Variants in MROH9 observed in about 807,000 individuals in gnomAD.
MROH9 encodes maestro heat like repeat family member 9.
A neutral mutation model predicts 98.2 loss-of-function variants in MROH9; 92 were observed. That is an observed-to-expected ratio of 0.94 (90% CI 0.79 to 1.11). The LOEUF is 1.11. Ranked by LOEUF, MROH9 falls within the 50% of genes most tolerant of loss-of-function variation. MROH9 has a pLI of 0.00. For missense variants in MROH9, 1,057 were observed against 1,014.8 expected (o/e 1.04, Z -0.57); for synonymous variants, 397 against 368.9 (o/e 1.08, Z -0.87).
chr1:171,035,271 C>G lies in MROH9; in HGVS notation c.2281+9851C>G, dbSNP rs542701068. On this transcript the variant is annotated intron_variant, in intron 20 of 21. Transcript: ENST00000367759. ...AAATCCAATAGATCAAAAAATAAAA[C>G]GTACAAAAAATAATAATAAATATAA... 7.0e-3 allele frequency among the ~76,000 whole-genome samples: 1,051 copies of G among 150,226 alleles called. 12 individuals carry two copies. Among genetic ancestry groups the G allele is most frequent in the African/African-American group, 0.025 (1,012 of 41,090 alleles).
rs369052725 is a variant in MROH9, at chr1:170,986,626, C to T, written c.795C>T (p.Leu265=). The T allele has an allele frequency of 5.0e-6, 8 of 1,613,780 alleles. No individual in the cohort carries two copies. In the East Asian group the frequency reaches 1.3e-4, roughly 27 times the overall value. ...TDFVQSLLMK[L]SSPDDKIASD... ...TTGTGCAGAGTCTCCTGATGAAACT[C>T]TCTTCACCTGATGATAAAATCGCAT... The change falls in exon 10 of 22, where the codon CTC becomes CTT. Residue 265 remains leucine (L), a synonymous_variant. Transcript: ENST00000367759.
chr1:170,982,142 T>C lies in MROH9; in HGVS notation c.617-1280T>C, dbSNP rs72710555. On this transcript the variant is annotated intron_variant, in intron 8 of 21. Transcript: ENST00000367759. ...GTTCGTACAAACACTTACTGGTACA[T>C]GAATGTTCATAACACCATTATTTGT... is the stretch of plus-strand genomic sequence containing the variant. Among the ~76,000 whole-genome samples the C allele has an allele frequency of 5.8e-3, 883 of 152,300 alleles. 13 individuals carry two copies. Among genetic ancestry groups the C allele is most frequent in the South Asian group, 0.045 (215 of 4,830 alleles).
chr1:171,000,232 G>C (rs1193025462), intron 15 of MROH9, among the ~76,000 whole-genome samples: 1 of 151,934 alleles, frequency 6.6e-6, no homozygotes, highest in African/African-American at 2.4e-5. Flanking sequence ...ATTTGCTTTT[G>C]GGTTCTTGGT....
chr1:171,018,379 AC>A (rs1652400397), intron 17 of MROH9, among the ~76,000 whole-genome samples: 1 of 151,982 alleles, frequency 6.6e-6, no homozygotes. Flanking sequence ...AAAAGTCCCC[AC>A]AAAAACCCTA....
intron 8 of MROH9, among the ~76,000 whole-genome samples, chr1:170,972,668 C>T (rs1056542637): frequency 2.0e-5 from 3 of 151,650 alleles, no homozygotes; most frequent in African/African-American, 4.8e-5. Context: ...AAAAATAAGC[C>T]GGGTGTGGTG....
At chr1:170,972,928 C>T (rs961401518) in intron 8 of MROH9, among the ~76,000 whole-genome samples, 12 of 147,618 alleles carry the variant, frequency 8.1e-5, no homozygotes, top group African/African-American at 2.3e-4. Context: ...GAGGTGAGAA[C>T]GAATGAGGTG....
At chr1:170,950,278 G>C (rs1649498532) in intron 3 of MROH9, among the ~76,000 whole-genome samples, 1 of 151,922 alleles carries the variant, frequency 6.6e-6, no homozygotes, top group Admixed American at 6.6e-5. Context: ...AAATAAACAG[G>C]ATTTAGTACT....
At chr1:171,046,521 C>A (rs184983190) in intron 20 of MROH9, among the ~76,000 whole-genome samples, 4 of 152,226 alleles carry the variant, frequency 2.6e-5, no homozygotes, top group Admixed American at 6.5e-5. Flanking sequence ...ATTATGTTAA[C>A]CTGTTAACAA....
chr1:170,980,832 A>G (rs373501767), intron 8 of MROH9, among the ~76,000 whole-genome samples: 45 of 152,346 alleles, frequency 3.0e-4, no homozygotes, highest in African/African-American at 1.0e-3. Flanking sequence ...GTGAATAAGC[A>G]ACCTACAGAA....
chr1:170,983,523 A>G lies in MROH9; in HGVS notation c.718A>G (p.Lys240Glu), dbSNP rs776614693. 6.2e-7 allele frequency: 1 copy of G among 1,603,328 alleles called. No individual in the cohort carries two copies. Among genetic ancestry groups the G allele is most frequent in the Non-Finnish European group, 8.5e-7 (1 of 1,170,810 alleles). Residue 240 changes from lysine to glutamate, a missense_variant, in exon 9 of 22, where the codon AAA becomes GAA. Transcript: ENST00000367759. Reference protein sequence around the residue: ...LPKEFQQDESKIAQRVGQTLL... With the variant: ...LPKEFQQDESEIAQRVGQTLL... Reference sequence around the variant, plus strand: ...CAAGGAGTTTCAACAAGACGAAAGTAAAATAGCTCAGGTAACTTAGCCCCC... The same window carrying G: ...CAAGGAGTTTCAACAAGACGAAAGTGAAATAGCTCAGGTAACTTAGCCCCC...
At chr1:171,052,591 G>C (rs1030605807) in intron 20 of MROH9, among the ~76,000 whole-genome samples, 4 of 152,178 alleles carry the variant, frequency 2.6e-5, no homozygotes, top group African/African-American at 9.7e-5. Flanking sequence ...GGTGGTTTAG[G>C]TTCCTAATCC....
intron 7 of MROH9, among the ~76,000 whole-genome samples, chr1:170,969,392 A>C (rs1040765583): frequency 5.9e-5 from 9 of 152,208 alleles, no homozygotes; most frequent in Non-Finnish European, 1.2e-4. Flanking sequence ...TTACATTCCT[A>C]TTCTGTTATT....
At chr1:170,966,528 T>G (rs558846883) in intron 7 of MROH9, among the ~76,000 whole-genome samples, 11 of 152,248 alleles carry the variant, frequency 7.2e-5, no homozygotes, top group African/African-American at 2.6e-4. Flanking sequence ...TTATCCATTT[T>G]CTACTGCTTG....
At chr1:171,012,002 AT>A (rs199918143) in intron 15 of MROH9, among the ~76,000 whole-genome samples, 7,476 of 151,968 alleles carry the variant, frequency 0.049, 240 homozygotes, top group Non-Finnish European at 0.069. Flanking sequence ...TAAATAATTT[AT>A]GTTAACATTT....
Position 171,026,088 on chromosome 1 carries a change from T to C in MROH9, c.2281+668T>C, listed in dbSNP as rs181895566. ...AATGAGGAAATACATGGTCACATCA[T>C]ACATATAGAGAGGAGGCTCTCGGTC... On this transcript the variant is annotated intron_variant, in intron 20 of 21. Coordinates refer to ENST00000367759, the MANE Select transcript of MROH9 (RefSeq NM_001163629.2). Among the ~76,000 whole-genome samples, 8 of 152,172 alleles carry C rather than the reference T, an allele frequency of 5.3e-5. 1 individual carries two copies. Among genetic ancestry groups the C allele is most frequent in the East Asian group, 3.9e-4 (2 of 5,166 alleles).
At chr1:170,993,724 G>T (rs541551817) in intron 12 of MROH9, among the ~76,000 whole-genome samples, 1 of 151,920 alleles carries the variant, frequency 6.6e-6, no homozygotes, top group Non-Finnish European at 1.5e-5. Flanking sequence ...AAAGAGAAAA[G>T]AAAAAATAAC....
intron 19 of MROH9, 39 bp downstream of exon 19, chr1:171,024,804 A>G (rs1382319532): frequency 8.1e-7 from 1 of 1,232,984 alleles, no homozygotes; most frequent in East Asian, 2.5e-5. Flanking sequence ...TAAGAGTTGT[A>G]GACAAAACTT....
At chr1:170,955,957 T>C (rs1159130177) in intron 3 of MROH9, among the ~76,000 whole-genome samples, 1 of 152,234 alleles carries the variant, frequency 6.6e-6, no homozygotes, top group Non-Finnish European at 1.5e-5. Flanking sequence ...AGGTCTTAGA[T>C]TTAAGTCCTT....
chr1:170,962,859 C>A (rs1650070544), intron 6 of MROH9, among the ~76,000 whole-genome samples: 1 of 151,484 alleles, frequency 6.6e-6, no homozygotes, highest in South Asian at 2.1e-4. Context: ...ATGTAAACCC[C>A]AAAACTATAA....
Sources: gnomAD v4.1 joint callset for allele counts (sites outside exome capture counted in the v4.1 genomes callset) on GRCh38, gnomAD v4.1.1 for gene constraint, MANE v1.5 for transcripts, NCBI Gene and HGNC (gene_info 2026-07-23, HGNC 2026-07-21) for gene names.